PTK2: variants seen among roughly 807,000 people sequenced by gnomAD.
PTK2 encodes focal adhesion kinase 1.
PTK2 carries 45 observed loss-of-function variants against 150.1 expected under a neutral mutation model. The observed-to-expected ratio is 0.30, with a 90% CI of 0.24 to 0.38. The LOEUF (loss-of-function observed/expected upper bound fraction) is 0.38, where lower values mean the gene tolerates loss of function less well. Ranked by LOEUF, PTK2 falls within the 10% of genes least tolerant of loss-of-function variation. The pLI is 1.00. For synonymous variants in PTK2, 432 were observed against 449.2 expected, an observed-to-expected ratio of 0.96 and a Z score of 0.48; for missense variants, 919 against 1,307.3, an observed-to-expected ratio of 0.70 and a Z score of 4.58.
At chr8:140,667,218 C>G in intron 30 of PTK2, among the ~76,000 whole-genome samples, 1 of 152,084 alleles carries the variant, frequency 6.6e-6, no homozygotes, top group East Asian at 1.9e-4. Flanking sequence ...GTGAATGTAC[C>G]TAATGCTTCT....
intron 11 of PTK2, 34 bp from the exon 12 acceptor site, chr8:140,800,610 T>C (rs374402569): frequency 1.8e-5 from 28 of 1,539,974 alleles, no homozygotes; most frequent in African/African-American, 4.1e-5. Context: ...ACAGACTTCA[T>C]TGTTCTTCCC....
intron 22 of PTK2, among the ~76,000 whole-genome samples, chr8:140,734,477 G>A (rs1342418211): frequency 6.6e-6 from 1 of 152,146 alleles, no homozygotes; most frequent in African/African-American, 2.4e-5. Context: ...AATGATGCCC[G>A]TCAAGAGCTC....
In PTK2 at chr8:140,962,496, T is replaced by A. The variant is rs186874657; in HGVS notation, c.-121-36747A>T. Among the ~76,000 whole-genome samples the A allele has an allele frequency of 3.4e-3, 515 of 152,260 alleles. 4 individuals carry two copies. Among genetic ancestry groups the A allele is most frequent in the African/African-American group, 0.012 (500 of 41,552 alleles). On this transcript the variant is annotated intron_variant, in intron 1 of 31. Coordinates refer to ENST00000522684, the Ensembl canonical transcript of PTK2. ...TCTGTGAGGGGCCTGAGGGGCCTCC[T>A]GTATAGGACACACAGCTCGAGCATA... is the stretch of plus-strand genomic sequence containing the variant.
At chr8:140,820,259 C>T (rs2100107649) in intron 8 of PTK2, among the ~76,000 whole-genome samples, 1 of 151,614 alleles carries the variant, frequency 6.6e-6, no homozygotes, top group South Asian at 2.1e-4. Flanking sequence ...CACCACCACA[C>T]CTGGCTAATT....
chr8:140,662,668 T>C (rs570459690), intron 31 of PTK2: 1 of 556,144 alleles, frequency 1.8e-6, no homozygotes, highest in Admixed American at 2.4e-5. Context: ...CCAACAGGAG[T>C]TGTGTCCAAC....
At chr8:140,683,880 C>G (rs1165274448) in intron 27 of PTK2, among the ~76,000 whole-genome samples, 1 of 151,856 alleles carries the variant, frequency 6.6e-6, no homozygotes, top group African/African-American at 2.4e-5. Flanking sequence ...CCATCTATGA[C>G]AAACCCACAG....
intron 14 of PTK2, among the ~76,000 whole-genome samples, chr8:140,779,770 T>C (rs2100080624): frequency 6.6e-6 from 1 of 152,124 alleles, no homozygotes; most frequent in African/African-American, 2.4e-5. Flanking sequence ...TCCAACTGGA[T>C]CAGCATTTTC....
At chr8:140,811,445 CGTT>C (rs933482225) in intron 10 of PTK2, among the ~76,000 whole-genome samples, 4 of 152,300 alleles carry the variant, frequency 2.6e-5, no homozygotes, top group Admixed American at 2.0e-4. Context: ...GTTGAAGAAA[CGTT>C]GGCCCAAAAG....
chr8:140,668,439 G>A lies in PTK2; in HGVS notation c.2710-15C>T. 6.3e-7 allele frequency: 1 copy of A among 1,597,922 alleles called. No homozygotes were observed. Among genetic ancestry groups the A allele is most frequent in the Non-Finnish European group, 8.5e-7 (1 of 1,172,348 alleles). On this transcript the variant is annotated splice_polypyrimidine_tract_variant and intron_variant, in intron 29 of 31. Coordinates refer to ENST00000522684, the Ensembl canonical transcript of PTK2. ...TGGGGCTGAAGCTGACAACACAGAA[G>A]CCAGTCATTTTTCTGCTCTCCAGCA...
chr8:140,839,299 C>T lies in PTK2; in HGVS notation c.593+6961G>A, dbSNP rs183065190. 9.6e-3 allele frequency among the ~76,000 whole-genome samples: 1,456 copies of T among 152,270 alleles called. 19 individuals carry two copies. Among genetic ancestry groups the T allele is most frequent in the Non-Finnish European group, 0.016 (1,066 of 68,022 alleles). On this transcript the variant is annotated intron_variant, in intron 7 of 31. Transcript: ENST00000522684. ...ATCATTTCCTGGCTCTTGCCAGAAG[C>T]CGCAGCAGTGTAAACAAAGCCCCCT...
chr8:140,730,419 A>G (rs1395315313), intron 22 of PTK2, among the ~76,000 whole-genome samples: 3 of 152,256 alleles, frequency 2.0e-5, no homozygotes, highest in Admixed American at 6.5e-5. Context: ...ATATATATAA[A>G]GTAAGTACTG....
At chr8:140,756,248 G>A (rs979661591) in intron 16 of PTK2, among the ~76,000 whole-genome samples, 19 of 151,048 alleles carry the variant, frequency 1.3e-4, no homozygotes, top group African/African-American at 4.6e-4. Context: ...GCCTGAACCC[G>A]GGAGGCAGAG....
chr8:140,887,356 A>G (rs1380471079), intron 3 of PTK2, among the ~76,000 whole-genome samples: 1 of 152,210 alleles, frequency 6.6e-6, no homozygotes, highest in Non-Finnish European at 1.5e-5. Flanking sequence ...GATCACTTCA[A>G]TGAGTATCAT....
At chr8:140,970,312 T>C (rs1306246904) in intron 1 of PTK2, among the ~76,000 whole-genome samples, 2 of 152,280 alleles carry the variant, frequency 1.3e-5, no homozygotes, top group Non-Finnish European at 2.9e-5. Flanking sequence ...GGATACACTA[T>C]GCTGGGGACC....
At chr8:140,969,913 G>A (rs1188472668) in intron 1 of PTK2, among the ~76,000 whole-genome samples, 5 of 152,160 alleles carry the variant, frequency 3.3e-5, no homozygotes, top group Non-Finnish European at 2.9e-5. Flanking sequence ...TACAACTCAG[G>A]GTTAGAGTCA....
rs1568511726 is a variant in PTK2, at chr8:140,902,921, G to GTTGTTTTTTTTTTTT, written c.-32-12167_-32-12153dup. Among the ~76,000 whole-genome samples, 16 of 66,826 alleles carry GTTGTTTTTTTTTTTT rather than the reference G, an allele frequency of 2.4e-4. 1 individual carries two copies. In the East Asian group the frequency reaches 9.7e-3, roughly 41 times the overall value. 43.8% of individuals were successfully genotyped at this position (66,826 alleles called of 152,430 possible). A position where few individuals can be genotyped will look rare whatever the true frequency, so the allele number is the denominator to read the frequency against. ...AGGTTGCCTGTTCACTCTGATGAGA[G>GTTGTTTTTTTTTTTT]TTGTTTTTTTTTTTTTTTTTTTTTT... On this transcript the variant is annotated intron_variant, in intron 2 of 31. Transcript: ENST00000522684.
intron 24 of PTK2, among the ~76,000 whole-genome samples, chr8:140,703,830 T>C (rs770353601): frequency 2.6e-5 from 4 of 152,222 alleles, no homozygotes; most frequent in South Asian, 2.1e-4. Flanking sequence ...GAATCAGTAT[T>C]GGTTTCCACA....
intron 8 of PTK2, among the ~76,000 whole-genome samples, chr8:140,827,534 GT>G (rs978869162): frequency 4.1e-4 from 62 of 151,914 alleles, no homozygotes; most frequent in Admixed American, 1.9e-3. Context: ...GCAGAGGAGG[GT>G]TTTTTTTAGG....
chr8:140,781,218 G>T (rs1049010418), intron 14 of PTK2, among the ~76,000 whole-genome samples: 16 of 152,010 alleles, frequency 1.1e-4, no homozygotes, highest in African/African-American at 3.9e-4. Context: ...AAAAATAACT[G>T]GGCCTTTTGA....
Sources: gnomAD v4.1 joint callset for allele counts (sites outside exome capture counted in the v4.1 genomes callset) on GRCh38, gnomAD v4.1.1 for gene constraint, MANE v1.5 for transcripts, NCBI Gene and HGNC (gene_info 2026-07-23, HGNC 2026-07-21) for gene names.